Variants in DKK2 observed in about 807,000 individuals in gnomAD.
DKK2 encodes the protein dickkopf-related protein 2.
DKK2 carries 11 observed loss-of-function variants against 28.1 expected under a neutral mutation model. The ratio of observed to expected loss-of-function variants is 0.39; its 90% confidence interval spans 0.25 to 0.65. The LOEUF is 0.65. Among genes scored for constraint, DKK2 ranks in the 30% least tolerant of loss-of-function variants. The probability of loss-of-function intolerance (pLI) is 0.47; values close to 1 mark genes in which losing one functional copy is unlikely to be tolerated. For missense variants in DKK2, 326 were observed against 335.5 expected, an observed-to-expected ratio of 0.97 and a Z score of 0.22; for synonymous variants, 135 against 126.5, an observed-to-expected ratio of 1.07 and a Z score of -0.45.
At chr4:107,002,573 CA>C (rs1240758912) in intron 1 of DKK2, among the ~76,000 whole-genome samples, 1 of 151,064 alleles carries the variant, frequency 6.6e-6, no homozygotes, top group Admixed American at 6.6e-5. Flanking sequence ...CTTTTACTGC[CA>C]AAAAGACAGT....
chr4:106,926,035 A>G lies in DKK2; in HGVS notation c.223-86T>C, dbSNP rs535885126. ...ATTACTATAGCAAATCATGATAGAA[A>G]ATGAATCACAATATATCTCACCCGG... is the stretch of plus-strand genomic sequence containing the variant. On this transcript the variant is annotated intron_variant, in intron 1 of 3. Transcript: ENST00000285311. The G allele has an allele frequency of 1.4e-5, 20 of 1,382,190 alleles. No individual in the cohort carries two copies. In the South Asian group the frequency reaches 2.3e-4, roughly 16 times the overall value. The allele number at this position is 1,382,190 out of a possible 1,614,324, so 85.6% of individuals were successfully genotyped here. A position where few individuals can be genotyped will look rare whatever the true frequency, so the allele number is the denominator to read the frequency against.
chr4:106,923,801 T>A lies in DKK2; in HGVS notation c.*153A>T. 9.5e-7 allele frequency: 1 copy of A among 1,052,758 alleles called. No homozygotes were observed. Among genetic ancestry groups the A allele is most frequent in the Non-Finnish European group, 1.4e-6 (1 of 740,356 alleles). 65.2% of individuals were successfully genotyped at this position (1,052,758 alleles called of 1,614,324 possible). A position where few individuals can be genotyped will look rare whatever the true frequency, so the allele number is the denominator to read the frequency against. ...CACCCATTCTAATCTATTCAGTTCA[T>A]GTTTTCTTTCTCCCTTTTTGTGATC... On this transcript the variant is annotated 3_prime_UTR_variant, in exon 4 of 4. Transcript: ENST00000285311.
intron 1 of DKK2, among the ~76,000 whole-genome samples, chr4:107,012,841 T>C (rs1723535678): frequency 1.3e-5 from 2 of 151,196 alleles, no homozygotes; most frequent in Admixed American, 1.3e-4. Flanking sequence ...TATCTGCAGG[T>C]ATCTTACCTG....
At chr4:106,955,028 T>C (rs1722568721) in intron 1 of DKK2, among the ~76,000 whole-genome samples, 1 of 152,212 alleles carries the variant, frequency 6.6e-6, no homozygotes, top group Admixed American at 6.5e-5. Context: ...TTGAAGAGAC[T>C]TGAGAATTGT....
chr4:106,924,705 A>G lies in DKK2; in HGVS notation c.374-5T>C, dbSNP rs1560572908. ...CAGTAACTGGGATACAGATGCCTGGAGATGATCATATAATCAGTTAGACTA... is the reference window on the plus strand; with the variant it reads ...CAGTAACTGGGATACAGATGCCTGGGGATGATCATATAATCAGTTAGACTA... On this transcript the variant is annotated splice_region_variant and splice_polypyrimidine_tract_variant and intron_variant, in intron 2 of 3. Transcript: ENST00000285311. The G allele has an allele frequency of 6.2e-7, 1 of 1,612,360 alleles. No individual in the cohort carries two copies. Among genetic ancestry groups the G allele is most frequent in the Non-Finnish European group, 8.5e-7 (1 of 1,179,084 alleles).
chr4:107,023,764 G>A (rs1723730035), intron 1 of DKK2, among the ~76,000 whole-genome samples: 1 of 151,832 alleles, frequency 6.6e-6, no homozygotes, highest in African/African-American at 2.4e-5. Context: ...CTATACTTTT[G>A]GTTCAACTAT....
At chr4:107,033,769 A>G (rs1016504115) in intron 1 of DKK2, among the ~76,000 whole-genome samples, 1 of 152,148 alleles carries the variant, frequency 6.6e-6, no homozygotes, top group Non-Finnish European at 1.5e-5. Context: ...CATGATTTGG[A>G]TTGAGAGCAC....
At chr4:107,005,521 A>G (rs1207405188) in intron 1 of DKK2, among the ~76,000 whole-genome samples, 1 of 152,046 alleles carries the variant, frequency 6.6e-6, no homozygotes, top group African/African-American at 2.4e-5. Flanking sequence ...CCTTTAACAC[A>G]GTCCTCCCCA....
At position 107,035,906 on chromosome 4, in the gene DKK2, G is replaced by A; in HGVS notation, c.-315C>T. The A allele has an allele frequency of 2.5e-6, 1 of 395,148 alleles. No individual in the cohort carries two copies. The highest frequency in any genetic ancestry group is 2.9e-5 in the South Asian group (1 of 34,152). 24.5% of individuals were successfully genotyped at this position (395,148 alleles called of 1,614,324 possible). A position where few individuals can be genotyped will look rare whatever the true frequency, so the allele number is the denominator to read the frequency against. On this transcript the variant is annotated 5_prime_UTR_variant, in exon 1 of 4. Coordinates refer to ENST00000285311, the MANE Select transcript of DKK2 (RefSeq NM_014421.3). ...AAGGTGCAAGAAAACCCAGCCCTGT[G>A]GATCGCACCGCTTCCGTTCCTTCTT... is the stretch of plus-strand genomic sequence containing the variant.
chr4:107,029,899 A>G (rs1008474157), intron 1 of DKK2, among the ~76,000 whole-genome samples: 3 of 152,068 alleles, frequency 2.0e-5, no homozygotes, highest in African/African-American at 7.2e-5. Flanking sequence ...ACTCTGTGGA[A>G]AAAGATAAGT....
At chr4:106,930,534 A>G (rs1412817648) in intron 1 of DKK2, among the ~76,000 whole-genome samples, 1 of 152,218 alleles carries the variant, frequency 6.6e-6, no homozygotes, top group Admixed American at 6.5e-5. Context: ...TAAGTTTTCA[A>G]AATAATAATA....
At chr4:106,978,957 G>A (rs896150638) in intron 1 of DKK2, among the ~76,000 whole-genome samples, 3 of 152,082 alleles carry the variant, frequency 2.0e-5, no homozygotes, top group Non-Finnish European at 2.9e-5. Context: ...TGTCTGGGCC[G>A]GAATGCACCA....
At chr4:106,962,562 A>C (rs1227655487) in intron 1 of DKK2, among the ~76,000 whole-genome samples, 1 of 146,280 alleles carries the variant, frequency 6.8e-6, no homozygotes, top group Non-Finnish European at 1.5e-5. Flanking sequence ...TGAATGCAGA[A>C]GAATGAAACT....
intron 1 of DKK2, among the ~76,000 whole-genome samples, chr4:106,964,360 A>T (rs1722735878): frequency 6.6e-6 from 1 of 152,188 alleles, no homozygotes; most frequent in South Asian, 2.1e-4. Flanking sequence ...TGAGAAAGGC[A>T]GTGGGGAGAG....
intron 1 of DKK2, among the ~76,000 whole-genome samples, chr4:107,029,277 T>C (rs922491830): frequency 6.6e-6 from 1 of 152,186 alleles, no homozygotes; most frequent in African/African-American, 2.4e-5. Context: ...GCAGGTGGTT[T>C]GATATATGGG....
At chr4:106,939,339 G>C (rs1724654017) in intron 1 of DKK2, among the ~76,000 whole-genome samples, 1 of 152,176 alleles carries the variant, frequency 6.6e-6, no homozygotes, top group Non-Finnish European at 1.5e-5. Flanking sequence ...GCCAAATCAT[G>C]AGTGAACTCC....
chr4:106,927,796 C>A (rs1030223212), intron 1 of DKK2, among the ~76,000 whole-genome samples: 4 of 152,118 alleles, frequency 2.6e-5, no homozygotes, highest in Non-Finnish European at 5.9e-5. Context: ...GATTCATTTA[C>A]ATTTATTTCA....
chr4:106,984,654 G>C (rs1723090168), intron 1 of DKK2, among the ~76,000 whole-genome samples: 4 of 152,130 alleles, frequency 2.6e-5, no homozygotes, highest in African/African-American at 9.7e-5. Context: ...TCTGTCATGG[G>C]ACACTTTGGT....
intron 1 of DKK2, among the ~76,000 whole-genome samples, chr4:107,021,358 T>C (rs143305347): frequency 1.0e-3 from 156 of 152,110 alleles, no homozygotes; most frequent in African/African-American, 3.4e-3. Flanking sequence ...AAACTACTTC[T>C]AAAATCAATT....
Sources: allele counts gnomAD v4.1 joint callset (sites outside exome capture counted in the v4.1 genomes callset), GRCh38; gene constraint gnomAD v4.1.1; transcripts MANE v1.5; gene names NCBI Gene and HGNC (gene_info 2026-07-23, HGNC 2026-07-21).